Variants in LRP8 observed in about 807,000 individuals in gnomAD.
The protein encoded by LRP8 is low-density lipoprotein receptor-related protein 8.
In LRP8, 46 loss-of-function variants were observed where a neutral mutation model predicts 111.6. The ratio of observed to expected loss-of-function variants is 0.41; its 90% confidence interval spans 0.33 to 0.53. The LOEUF (loss-of-function observed/expected upper bound fraction) is 0.53, where lower values mean the gene tolerates loss of function less well. Ranked by LOEUF, LRP8 falls within the 20% of genes least tolerant of loss-of-function variation. The pLI, the probability that LRP8 is intolerant of heterozygous loss-of-function variation, is 0.20. For synonymous variants in LRP8, 464 were observed against 511.2 expected, an observed-to-expected ratio of 0.91 and a Z score of 1.24; for missense variants, 959 against 1,297.4, an observed-to-expected ratio of 0.74 and a Z score of 4.01.
intron 2 of LRP8, among the ~76,000 whole-genome samples, chr1:53,302,323 A>T (rs1016698871): frequency 2.0e-5 from 3 of 152,192 alleles, no homozygotes; most frequent in African/African-American, 7.2e-5. Context: ...TGGTTCCAAC[A>T]GGGAGGTGTA....
At chr1:53,263,469 C>T (rs927647954) in intron 10 of LRP8, among the ~76,000 whole-genome samples, 1 of 152,190 alleles carries the variant, frequency 6.6e-6, no homozygotes, top group Non-Finnish European at 1.5e-5. Context: ...GCTAAAAAAA[C>T]CATCTCAAGA....
chr1:53,290,232 G>GC lies in LRP8; in HGVS notation c.245-544dup, dbSNP rs545767302. Among the ~76,000 whole-genome samples, 794 of 152,118 alleles carry GC rather than the reference G, an allele frequency of 5.2e-3. 7 individuals are homozygous for GC. The highest frequency in any genetic ancestry group is 0.017 in the African/African-American group (717 of 41,458). On this transcript the variant is annotated intron_variant, in intron 2 of 18. Coordinates refer to ENST00000306052, the MANE Select transcript of LRP8 (RefSeq NM_004631.5). ...GGGCAAGACACCCAAATCAGTCCCT[G>GC]CCCCCCGGTGCCTACAGCCTGCAGG...
chr1:53,258,305 G>GA lies in LRP8; in HGVS notation c.2209+13dup. 6.2e-7 allele frequency: 1 copy of GA among 1,612,240 alleles called. No individual in the cohort carries two copies. Among genetic ancestry groups the GA allele is most frequent in the Non-Finnish European group, 8.5e-7 (1 of 1,178,974 alleles). On this transcript the variant is annotated intron_variant, in intron 14 of 18. Transcript: ENST00000306052. ...ACACTGCCAGGGGCCATCCCTCCTG[G>GA]AAGGTCTGCTTACCTCGGTAGCACC...
chr1:53,306,546 C>G (rs1003451220), intron 2 of LRP8, among the ~76,000 whole-genome samples: 4 of 152,240 alleles, frequency 2.6e-5, no homozygotes, highest in African/African-American at 4.8e-5. Flanking sequence ...GCCACTCCCC[C>G]TCTCTGGGCC....
intron 3 of LRP8, among the ~76,000 whole-genome samples, chr1:53,287,587 C>T (rs576647680): frequency 3.9e-5 from 6 of 152,332 alleles, no homozygotes; most frequent in Non-Finnish European, 8.8e-5. Flanking sequence ...CTCCCATAGA[C>T]GCCTTATGAA....
chr1:53,309,171 A>G (rs1416046499), intron 2 of LRP8, among the ~76,000 whole-genome samples: 1 of 152,164 alleles, frequency 6.6e-6, no homozygotes. Flanking sequence ...GCTACTTGGG[A>G]GTCTAAGGCA....
intron 15 of LRP8, 39 bp downstream of exon 15, chr1:53,257,201 C>A: frequency 6.2e-7 from 1 of 1,601,048 alleles, no homozygotes; most frequent in Non-Finnish European, 8.5e-7. Flanking sequence ...CCTAGGAGCC[C>A]TCCCATGTCA....
chr1:53,325,324 GTTTGT>G (rs1655000364), intron 2 of LRP8, among the ~76,000 whole-genome samples: 1 of 152,208 alleles, frequency 6.6e-6, no homozygotes, highest in Non-Finnish European at 1.5e-5. Context: ...TTGTTGGTTT[GTTTGT>G]TTTGTTTTTT....
chr1:53,264,276 C>T lies in LRP8; in HGVS notation c.1548G>A (p.Ser516=), dbSNP rs774722902. The T allele has an allele frequency of 1.5e-5, 25 of 1,614,032 alleles. No individual in the cohort carries two copies. Among genetic ancestry groups the T allele is most frequent in the South Asian group, 3.3e-5 (3 of 91,082 alleles). Residue 516 remains serine (S), a synonymous_variant, in exon 10 of 19, where the codon TCG becomes TCA. Transcript: ENST00000306052. The stretch of plus-strand genomic sequence containing the variant: ...TGGCCACTGAGATGGTCTTATTGCC[C>T]GAGTCAGTCCAGTAGATGTGCTTGT... ...WVHKHIYWTD[S]GNKTISVATV... is the part of the protein sequence containing the mutation.
In LRP8 at chr1:53,262,525, A is replaced by C. The variant is rs749980725; in HGVS notation, c.1695T>G (p.Ile565Met). ...YWSDWGDQAKIEKSGLNGVDR... is the reference protein window; with the variant it reads ...YWSDWGDQAKMEKSGLNGVDR... ...CCACACCGTTGAGCCCAGATTTCTC[A>C]ATCTTGGCCTGGTCCCCCCAGTCAG... Residue 565 changes from isoleucine (I) to methionine (M), a missense_variant, in exon 11 of 19, where the codon ATT (isoleucine) becomes ATG (methionine). Ile to Met is a conservative substitution (Grantham distance 10). Coordinates refer to ENST00000306052, the MANE Select transcript of LRP8 (RefSeq NM_004631.5). This position sits in a 1 kb window ranked among gnomAD's most constrained non-coding sequence, Gnocchi z 4.8. The C allele has an allele frequency of 6.2e-7, 1 of 1,614,186 alleles. No homozygotes were observed.
intron 2 of LRP8, among the ~76,000 whole-genome samples, chr1:53,326,316 C>T (rs965345620): frequency 3.9e-5 from 6 of 152,214 alleles, no homozygotes; most frequent in Non-Finnish European, 7.3e-5. Context: ...GCCCCCGCGC[C>T]CAGGGAACCC....
At position 53,250,590 on chromosome 1, in the gene LRP8, A is replaced by G; in HGVS notation, c.2676+100T>C. On this transcript the variant is annotated intron_variant, in intron 17 of 18. Transcript: ENST00000306052. The surrounding 1 kb of genome is among the most constrained non-coding windows in gnomAD (Gnocchi z 4.6). ...AGGGAAGGACGGAAGGAAGGAAGGGAGGGAAGAAAGGATGGGAAGGAAGAA... is the reference window on the plus strand; with the variant it reads ...AGGGAAGGACGGAAGGAAGGAAGGGGGGGAAGAAAGGATGGGAAGGAAGAA... 1 of 999,684 alleles carries G rather than the reference A, an allele frequency of 1.0e-6. No individual in the cohort carries two copies. The highest frequency in any genetic ancestry group is 1.5e-6 in the Non-Finnish European group (1 of 661,300). The allele number at this position is 999,684 out of a possible 1,614,324, so 61.9% of individuals were successfully genotyped here.
intron 16 of LRP8, among the ~76,000 whole-genome samples, chr1:53,254,896 A>G (rs1031695460): frequency 1.3e-5 from 2 of 151,610 alleles, no homozygotes; most frequent in African/African-American, 4.9e-5. Context: ...AGGGGTGGGG[A>G]GATGGGGGAT....
chr1:53,283,470 CACTTACTTACTACATACCCGGGCCACTT>C (rs1647186389), intron 3 of LRP8, among the ~76,000 whole-genome samples: 2 of 110,294 alleles, frequency 1.8e-5, no homozygotes, highest in African/African-American at 6.9e-5. Flanking sequence ...ATACCCGGGC[CACTTACTTACTACATACCCGGGCCACTT>C]ACTTACTTAC....
chr1:53,255,221 T>C, intron 15 of LRP8, 36 bp from the exon 16 acceptor site: 4 of 1,594,040 alleles, frequency 2.5e-6, no homozygotes, highest in Non-Finnish European at 3.4e-6. Context: ...TGATGCTCTA[T>C]CACTGTGTGT....
chr1:53,312,380 G>T (rs1254697845), intron 2 of LRP8, among the ~76,000 whole-genome samples: 1 of 152,178 alleles, frequency 6.6e-6, no homozygotes, highest in Non-Finnish European at 1.5e-5. Context: ...GCAGGCAGGG[G>T]TTGAGACAGG....
chr1:53,327,856 C>T lies in LRP8; in HGVS notation c.57G>A (p.Leu19=), dbSNP rs778509365. Reference sequence around the variant, plus strand: ...GCTGGAGCTGCAGCAGCAGCAGCAGCAGCAGCAGCAGCAGCAGCGCCAGAA... The same window carrying T: ...GCTGGAGCTGCAGCAGCAGCAGCAGTAGCAGCAGCAGCAGCAGCGCCAGAA... ...LRLLALLLLL[L]LLLLLQLQHL... Residue 19 remains leucine (L), a synonymous_variant, in exon 1 of 19, where the codon CTG becomes CTA. Coordinates refer to ENST00000306052, the MANE Select transcript of LRP8 (RefSeq NM_004631.5). The T allele has an allele frequency of 6.6e-6, 10 of 1,507,712 alleles. No homozygotes were observed. The African/African-American group carries it at 1.0e-4, about 15-fold the overall frequency. 93.4% of individuals were successfully genotyped at this position (1,507,712 alleles called of 1,614,324 possible).
chr1:53,281,628 C>T (rs1393268379), intron 3 of LRP8, among the ~76,000 whole-genome samples: 2 of 152,176 alleles, frequency 1.3e-5, no homozygotes, highest in Non-Finnish European at 2.9e-5. Flanking sequence ...AGCATAGAGG[C>T]GGAGAACATG....
chr1:53,295,626 A>G (rs781724491), intron 2 of LRP8, among the ~76,000 whole-genome samples: 1 of 152,114 alleles, frequency 6.6e-6, no homozygotes, highest in Non-Finnish European at 1.5e-5. Context: ...GGGGCAGGAC[A>G]GAGCCCAGGG....
Sources: gnomAD v4.1 joint callset for allele counts (sites outside exome capture counted in the v4.1 genomes callset) on GRCh38, gnomAD v4.1.1 for gene constraint, Gnocchi (gnomAD v3.1) non-coding constraint, MANE v1.5 for transcripts, NCBI Gene and HGNC (gene_info 2026-07-23, HGNC 2026-07-21) for gene names.